Variants in IP6K2 observed in about 807,000 individuals in gnomAD.
The protein encoded by IP6K2 is ATP:1D-myo-inositol-hexakisphosphate phosphotransferase.
A neutral mutation model predicts 43.3 loss-of-function variants in IP6K2; 9 were observed. That is an observed-to-expected ratio of 0.21 (90% CI 0.13 to 0.36). The LOEUF is 0.36. Ranked by LOEUF, IP6K2 falls within the 10% of genes least tolerant of loss-of-function variation. IP6K2 has a pLI of 1.00. For missense variants in IP6K2, 332 were observed against 538.4 expected, an observed-to-expected ratio of 0.62 and a Z score of 3.79; for synonymous variants, 209 against 202.4, an observed-to-expected ratio of 1.03 and a Z score of -0.28.
At chr3:48,703,943 T>G (rs1216237725) in intron 1 of IP6K2, among the ~76,000 whole-genome samples, 2 of 151,358 alleles carry the variant, frequency 1.3e-5, no homozygotes, top group East Asian at 3.9e-4. Context: ...AATACAAAAA[T>G]TAGCCAGGCA....
intron 2 of IP6K2, 141 bp downstream of exon 2, chr3:48,694,949 A>G (rs1267134280): frequency 2.5e-6 from 4 of 1,572,494 alleles, no homozygotes; most frequent in Non-Finnish European, 3.4e-6. Flanking sequence ...GAGGGCCAGG[A>G]GGAGGAGAAG....
At chr3:48,712,987 T>C (rs1166674073) in intron 1 of IP6K2, among the ~76,000 whole-genome samples, 1 of 152,110 alleles carries the variant, frequency 6.6e-6, no homozygotes, top group Non-Finnish European at 1.5e-5. Context: ...CACTCCAACC[T>C]GGGCAACAGA....
At chr3:48,715,226 T>C in intron 1 of IP6K2, 1 of 1,373,148 alleles carries the variant, frequency 7.3e-7, no homozygotes, top group Non-Finnish European at 1.0e-6. Flanking sequence ...TTACCCAAGA[T>C]TATCCCACTA....
In IP6K2 at chr3:48,693,048, T is replaced by TTAGG. The variant is rs758750835; in HGVS notation, c.330_333dup (p.Arg112ProfsTer19). The TTAGG allele has an allele frequency of 6.2e-7, 1 of 1,614,234 alleles. No individual in the cohort carries two copies. Among genetic ancestry groups the TTAGG allele is most frequent in the South Asian group, 1.1e-5 (1 of 91,090 alleles). ...TGATGTTTTTTGTTTGTTGTCCACC[T>TTAGG]TAGGAGCTTACTTTTTGGTTCACAG... On this transcript the variant is annotated frameshift_variant, in exon 3 of 6. Transcript: ENST00000328631. LOFTEE classifies it high-confidence loss of function.
chr3:48,695,022 CCTTCCATGGCCACGATCTCTCACAT>C lies in IP6K2; in HGVS notation c.202+43_202+67del. ...AGGGCTCCAGGGATGGCTGCCAGGG[CCTTCCATGGCCACGATCTCTCACAT>C]CTCCTCGCCAGTGTGGCAACCCCTC... On this transcript the variant is annotated intron_variant, in intron 2 of 5. Transcript: ENST00000328631. The surrounding 1 kb of genome is among the most constrained non-coding windows in gnomAD (Gnocchi z 4.6). 6.2e-7 allele frequency: 1 copy of C among 1,613,760 alleles called. No homozygotes were observed. Among genetic ancestry groups the C allele is most frequent in the African/African-American group, 1.3e-5 (1 of 75,046 alleles).
At chr3:48,707,529 G>C (rs1198899375) in intron 1 of IP6K2, among the ~76,000 whole-genome samples, 1 of 152,180 alleles carries the variant, frequency 6.6e-6, no homozygotes, top group Non-Finnish European at 1.5e-5. Context: ...CTGCCTCCCA[G>C]GTTCAAGGGA....
At chr3:48,697,272 A>G (rs1185790482) in intron 1 of IP6K2, among the ~76,000 whole-genome samples, 2 of 151,252 alleles carry the variant, frequency 1.3e-5, no homozygotes, top group African/African-American at 4.9e-5. Flanking sequence ...CGCCCACCTC[A>G]GCATCCCAAA....
At chr3:48,694,562 CAT>C (rs1280647610) in intron 2 of IP6K2, 4 of 1,523,898 alleles carry the variant, frequency 2.6e-6, no homozygotes, top group African/African-American at 2.8e-5. Context: ...AAAAAATTAT[CAT>C]ATGTGAATCG....
chr3:48,693,877 T>A, intron 2 of IP6K2: 1 of 1,202,184 alleles, frequency 8.3e-7, no homozygotes. Flanking sequence ...GTGGTGGCCT[T>A]GAAAGCAGCT....
chr3:48,714,783 G>A (rs1559576338), intron 1 of IP6K2, among the ~76,000 whole-genome samples: 1 of 147,740 alleles, frequency 6.8e-6, no homozygotes, highest in Non-Finnish European at 1.5e-5. Context: ...GGAAGGCGGA[G>A]CTTGCAGTGA....
At position 48,688,080 on chromosome 3, in the gene IP6K2, T is replaced by G. The variant is rs1559501273; in HGVS notation, c.*193A>C. The G allele has an allele frequency of 8.1e-6, 5 of 617,204 alleles. No individual in the cohort carries two copies. Among genetic ancestry groups the G allele is most frequent in the Admixed American group, 2.8e-5 (1 of 35,690 alleles). The allele number at this position is 617,204 out of a possible 1,614,324, so 38.2% of individuals were successfully genotyped here. A position where few individuals can be genotyped will look rare whatever the true frequency, so the allele number is the denominator to read the frequency against. ...GGTATCATCATCAAATGTGGAATGTTGAAGAAATAGTTAAAATAAATAAAG... is the reference window on the plus strand; with the variant it reads ...GGTATCATCATCAAATGTGGAATGTGGAAGAAATAGTTAAAATAAATAAAG... On this transcript the variant is annotated 3_prime_UTR_variant, in exon 6 of 6. Transcript: ENST00000328631. The surrounding 1 kb of genome is among the most constrained non-coding windows in gnomAD (Gnocchi z 5.1).
intron 2 of IP6K2, 104 bp downstream of exon 2, chr3:48,694,986 G>T (rs750176207): frequency 2.4e-5 from 39 of 1,606,528 alleles, no homozygotes; most frequent in Non-Finnish European, 3.2e-5. Context: ...AGCACAGAGT[G>T]GGAGGGAGTG....
intron 1 of IP6K2, among the ~76,000 whole-genome samples, chr3:48,709,238 C>A (rs1402007999): frequency 6.6e-6 from 1 of 152,140 alleles, no homozygotes; most frequent in Admixed American, 6.6e-5. Flanking sequence ...AATGGGCAGC[C>A]ACAGAGGCAG....
intron 1 of IP6K2, among the ~76,000 whole-genome samples, chr3:48,703,590 G>A (rs2079324006): frequency 6.6e-6 from 1 of 151,466 alleles, no homozygotes; most frequent in South Asian, 2.1e-4. Flanking sequence ...GGTGGCAGGG[G>A]CCTATAGTCC....
intron 1 of IP6K2, chr3:48,715,431 T>C (rs2081084602): frequency 1.3e-6 from 2 of 1,536,036 alleles, no homozygotes; most frequent in South Asian, 1.2e-5. Flanking sequence ...CTGGCAAAGG[T>C]TCATCAGTCA....
intron 3 of IP6K2, 28 bp from the exon 4 acceptor site, chr3:48,691,510 A>AT (rs757728808): frequency 6.4e-7 from 1 of 1,551,718 alleles, no homozygotes; most frequent in Admixed American, 1.8e-5. Flanking sequence ...CCAATAAATC[A>AT]GTATGTCTTA....
intron 1 of IP6K2, chr3:48,716,554 A>G (rs891388653): frequency 1.3e-5 from 2 of 152,254 alleles, no homozygotes; most frequent in Non-Finnish European, 2.9e-5. Context: ...AAATATCACT[A>G]TAAAGGTGTC....
At chr3:48,703,547 A>G in intron 1 of IP6K2, among the ~76,000 whole-genome samples, 1 of 142,932 alleles carries the variant, frequency 7.0e-6, no homozygotes, top group Admixed American at 7.0e-5. Context: ...TACTAAAAAT[A>G]CAAAAAAAAA....
At position 48,688,090 on chromosome 3, in the gene IP6K2, G is replaced by A. The variant is rs1468235561; in HGVS notation, c.*183C>T. ...TCAAATGTGGAATGTTGAAGAAATA[G>A]TTAAAATAAATAAAGACTCCAAGCA... On this transcript the variant is annotated 3_prime_UTR_variant, in exon 6 of 6. Transcript: ENST00000328631. This position sits in a 1 kb window ranked among gnomAD's most constrained non-coding sequence, Gnocchi z 5.1. 3.1e-6 allele frequency: 2 copies of A among 639,022 alleles called. No individual in the cohort carries two copies. Among genetic ancestry groups the A allele is most frequent in the Non-Finnish European group, 5.5e-6 (2 of 361,272 alleles). 39.6% of individuals were successfully genotyped at this position (639,022 alleles called of 1,614,324 possible).
Sources: allele counts gnomAD v4.1 joint callset (sites outside exome capture counted in the v4.1 genomes callset), GRCh38; gene constraint gnomAD v4.1.1; non-coding constraint Gnocchi (gnomAD v3.1); transcripts MANE v1.5; gene names NCBI Gene and HGNC (gene_info 2026-07-23, HGNC 2026-07-21).